The following PELI2 variants were observed in gnomAD, a reference collection of about 807,000 sequenced individuals.
The protein encoded by PELI2 is E3 ubiquitin-protein ligase pellino homolog 2.
Under a neutral mutation model 42.3 loss-of-function variants are expected in PELI2, and 23 were observed. The observed-to-expected ratio is 0.54, with a 90% CI of 0.39 to 0.77. The LOEUF is 0.77. PELI2 is among the 30% of genes least tolerant of loss of function. The pLI is 0.00. For missense variants in PELI2, 463 were observed against 553.2 expected, an observed-to-expected ratio of 0.84 and a Z score of 1.64; for synonymous variants, 245 against 212.2, an observed-to-expected ratio of 1.15 and a Z score of -1.34.
chr14:56,147,422 C>T (rs745896814), intron 1 of PELI2, among the ~76,000 whole-genome samples: 2 of 152,100 alleles, frequency 1.3e-5, no homozygotes, highest in African/African-American at 2.4e-5. Context: ...TGGGGAACAG[C>T]AGCACATGTA....
chr14:56,148,662 C>T (rs7159200), intron 1 of PELI2, among the ~76,000 whole-genome samples: 2,386 of 152,320 alleles, frequency 0.016, 66 homozygotes, highest in African/African-American at 0.055. Context: ...CTTTTCCCTC[C>T]TCTCCTCCTT....
intron 2 of PELI2, among the ~76,000 whole-genome samples, chr14:56,253,967 A>G (rs1463328746): frequency 6.6e-6 from 1 of 152,270 alleles, no homozygotes; most frequent in Non-Finnish European, 1.5e-5. Context: ...ACAATAACCA[A>G]GACAGGATGG....
At chr14:56,193,050 ACT>A (rs780122258) in intron 2 of PELI2, among the ~76,000 whole-genome samples, 5 of 152,134 alleles carry the variant, frequency 3.3e-5, no homozygotes, top group East Asian at 1.9e-4. Context: ...GCCTTCAGTA[ACT>A]CTGTGCTGCT....
chr14:56,177,980 T>G (rs1170121628), intron 1 of PELI2, among the ~76,000 whole-genome samples: 1 of 152,250 alleles, frequency 6.6e-6, no homozygotes, highest in Non-Finnish European at 1.5e-5. Context: ...CAAGTGTATC[T>G]CTGGGGTCTA....
At chr14:56,133,411 CAG>C (rs1242394371) in intron 1 of PELI2, among the ~76,000 whole-genome samples, 3 of 152,162 alleles carry the variant, frequency 2.0e-5, no homozygotes, top group Admixed American at 1.3e-4. Flanking sequence ...GAAGGAGAAA[CAG>C]GGTGCTGTCC....
intron 1 of PELI2, among the ~76,000 whole-genome samples, chr14:56,121,096 ATAT>A (rs1052310095): frequency 9.8e-5 from 15 of 152,298 alleles, no homozygotes; most frequent in African/African-American, 3.6e-4. Flanking sequence ...CATCTTTATG[ATAT>A]TATCTTTATG....
chr14:56,124,044 C>T (rs1224293720), intron 1 of PELI2, among the ~76,000 whole-genome samples: 1 of 152,134 alleles, frequency 6.6e-6, no homozygotes, highest in East Asian at 1.9e-4. Context: ...AACGTTTCTC[C>T]TGGGGTGTGC....
intron 1 of PELI2, among the ~76,000 whole-genome samples, chr14:56,136,477 A>C (rs1276317955): frequency 6.6e-6 from 1 of 152,126 alleles, no homozygotes; most frequent in Non-Finnish European, 1.5e-5. Context: ...AACTGAGGAG[A>C]ATTGGGACCA....
intron 1 of PELI2, among the ~76,000 whole-genome samples, chr14:56,175,743 T>C (rs960126340): frequency 3.9e-5 from 6 of 152,378 alleles, no homozygotes; most frequent in Middle Eastern, 6.8e-3. Context: ...CTGGTTTTTT[T>C]CCCTCCCTTT....
rs113473421 is a variant in PELI2, at chr14:56,166,432, T to C, written c.78-11903T>C. Among the ~76,000 whole-genome samples the C allele has an allele frequency of 5.8e-4, 89 of 152,308 alleles. 1 individual carries two copies. Among genetic ancestry groups the C allele is most frequent in the African/African-American group, 2.1e-3 (88 of 41,532 alleles). ...CATAGTTAGTGTTAATAATATTCTGTGTTTTTCTGTGTACTTACTGTTAGT... is the reference window on the plus strand; with the variant it reads ...CATAGTTAGTGTTAATAATATTCTGCGTTTTTCTGTGTACTTACTGTTAGT... On this transcript the variant is annotated intron_variant, in intron 1 of 5. Transcript: ENST00000267460.
intron 1 of PELI2, chr14:56,119,684 A>G: frequency 3.9e-6 from 3 of 761,912 alleles, no homozygotes; most frequent in Non-Finnish European, 4.8e-6. Context: ...AACTGGATAT[A>G]GTGGGCAGTG....
chr14:56,198,167 C>T, intron 2 of PELI2, among the ~76,000 whole-genome samples: 1 of 152,060 alleles, frequency 6.6e-6, no homozygotes, highest in East Asian at 1.9e-4. Flanking sequence ...GATGATGATG[C>T]CATTCAAGGC....
chr14:56,258,300 C>A (rs1468020877), intron 2 of PELI2, among the ~76,000 whole-genome samples: 1 of 151,506 alleles, frequency 6.6e-6, no homozygotes. Flanking sequence ...CCCCCCCACC[C>A]CCGCAAAAAA....
intron 2 of PELI2, among the ~76,000 whole-genome samples, chr14:56,249,069 G>A (rs930213145): frequency 2.6e-5 from 4 of 152,142 alleles, no homozygotes; most frequent in South Asian, 2.1e-4. Flanking sequence ...TAGTGGTGCC[G>A]TGAATTGGCC....
At chr14:56,146,259 G>A (rs1275940088) in intron 1 of PELI2, among the ~76,000 whole-genome samples, 2 of 152,030 alleles carry the variant, frequency 1.3e-5, no homozygotes, top group Non-Finnish European at 2.9e-5. Context: ...TCTGCCTCTT[G>A]GTTTTTTGTT....
At chr14:56,293,953 A>G (rs752927633) in intron 5 of PELI2, among the ~76,000 whole-genome samples, 2 of 152,128 alleles carry the variant, frequency 1.3e-5, no homozygotes, top group Admixed American at 6.5e-5. Context: ...TTATCCTGCA[A>G]TGAGGCCTCC....
At chr14:56,157,539 A>C (rs7159804) in intron 1 of PELI2, among the ~76,000 whole-genome samples, 60,622 of 151,304 alleles carry the variant, frequency 0.4, 12,978 homozygotes, top group South Asian at 0.53. Flanking sequence ...ACTCCCCCCC[A>C]AAAAAAATCT....
chr14:56,139,942 A>G (rs942542854), intron 1 of PELI2, among the ~76,000 whole-genome samples: 1 of 151,744 alleles, frequency 6.6e-6, no homozygotes, highest in Admixed American at 6.6e-5. Context: ...AGGGCAGCTC[A>G]TTGCTGTTAA....
At chr14:56,236,516 A>G (rs1193357814) in intron 2 of PELI2, among the ~76,000 whole-genome samples, 1 of 152,244 alleles carries the variant, frequency 6.6e-6, no homozygotes, top group Non-Finnish European at 1.5e-5. Context: ...TGATAAATTC[A>G]GTAGCTAAAG....
Sources: allele counts gnomAD v4.1 joint callset (sites outside exome capture counted in the v4.1 genomes callset), GRCh38; gene constraint gnomAD v4.1.1; transcripts MANE v1.5; gene names NCBI Gene and HGNC (gene_info 2026-07-23, HGNC 2026-07-21).